Variants in ANK1 observed in about 807,000 individuals in gnomAD.
The protein encoded by ANK1 is ankyrin-1.
A neutral mutation model predicts 210.4 loss-of-function variants in ANK1; 51 were observed. The ratio of observed to expected loss-of-function variants is 0.24; its 90% confidence interval spans 0.19 to 0.31. The LOEUF (loss-of-function observed/expected upper bound fraction) is 0.31, where lower values mean the gene tolerates loss of function less well. Ranked by LOEUF, ANK1 falls within the 10% of genes least tolerant of loss-of-function variation. The probability of loss-of-function intolerance (pLI) is 1.00; values close to 1 mark genes in which losing one functional copy is unlikely to be tolerated. For synonymous variants in ANK1, 967 were observed against 1,025.9 expected (o/e 0.94, Z 1.10); for missense variants, 2,051 against 2,504.4 (o/e 0.82, Z 3.86).
intron 2 of ANK1, among the ~76,000 whole-genome samples, chr8:41,738,056 T>A (rs1833869633): frequency 6.6e-6 from 1 of 152,044 alleles, no homozygotes; most frequent in African/African-American, 2.4e-5. Context: ...CCAAACAGCA[T>A]GTAAAGGGGT....
At chr8:41,881,541 G>A (rs1192951444) in intron 1 of ANK1, among the ~76,000 whole-genome samples, 1 of 152,180 alleles carries the variant, frequency 6.6e-6, no homozygotes, top group African/African-American at 2.4e-5. Context: ...TACTGTCAAG[G>A]GAACTGGTAT....
chr8:41,874,966 C>T (rs369281344), intron 1 of ANK1, among the ~76,000 whole-genome samples: 1 of 152,204 alleles, frequency 6.6e-6, no homozygotes, highest in Admixed American at 6.5e-5. Context: ...GTGCTGTCCC[C>T]GCTGCAGCAC....
chr8:41,799,269 G>T (rs555175754), upstream of ANK1, among the ~76,000 whole-genome samples: 19 of 152,274 alleles, frequency 1.2e-4, no homozygotes, highest in Non-Finnish European at 2.5e-4. Flanking sequence ...CCTCCCCGAA[G>T]GACAGATGAT....
chr8:41,767,881 C>CT (rs1319304517), intron 1 of ANK1, among the ~76,000 whole-genome samples: 8 of 152,214 alleles, frequency 5.3e-5, no homozygotes, highest in African/African-American at 1.7e-4. Flanking sequence ...TCAGCAAACT[C>CT]TATTTATGCC....
Position 41,891,548 on chromosome 8 carries a change from T to C in ANK1, c.126+4807A>G, listed in dbSNP as rs1245008131. ...GGAGCAGCAGCCAAAATTCAGAGTG[T>C]AACATCTTCTCAGCCCTCAAGACCC... On this transcript the variant is annotated intron_variant, in intron 1 of 42. Transcript: ENST00000265709. Among the ~76,000 whole-genome samples, 15 of 152,318 alleles carry C rather than the reference T, an allele frequency of 9.8e-5. No homozygotes were observed. The East Asian group carries it at 2.7e-3, about 27-fold the overall frequency.
chr8:41,668,815 G>T (rs1811369223), intron 38 of ANK1, among the ~76,000 whole-genome samples: 1 of 152,298 alleles, frequency 6.6e-6, no homozygotes, highest in Non-Finnish European at 1.5e-5. Flanking sequence ...GTCCCTCCCT[G>T]TGGGTGAACA....
At chr8:41,660,822 T>G (rs1362489605) in intron 42 of ANK1, among the ~76,000 whole-genome samples, 1 of 152,174 alleles carries the variant, frequency 6.6e-6, no homozygotes, top group Admixed American at 6.5e-5. Flanking sequence ...AGCCTTGGCC[T>G]GGTGAGAACT....
chr8:41,867,205 G>A (rs953475532), intron 1 of ANK1, among the ~76,000 whole-genome samples: 2 of 152,196 alleles, frequency 1.3e-5, no homozygotes, highest in African/African-American at 4.8e-5. Flanking sequence ...AGAAGGATGA[G>A]TGTCAGTCCA....
At chr8:41,877,574 C>T (rs1816820145) in intron 1 of ANK1, among the ~76,000 whole-genome samples, 1 of 152,164 alleles carries the variant, frequency 6.6e-6, no homozygotes, top group South Asian at 2.1e-4. Context: ...GTTTAGGAGA[C>T]AGAAAAAGCC....
intron 1 of ANK1, among the ~76,000 whole-genome samples, chr8:41,825,995 A>G (rs1471688091): frequency 1.3e-5 from 2 of 152,168 alleles, no homozygotes; most frequent in African/African-American, 2.4e-5. Flanking sequence ...TATTAGCAGC[A>G]TGAGAACACA....
chr8:41,761,640 C>A (rs1840482068), intron 1 of ANK1, among the ~76,000 whole-genome samples: 1 of 152,196 alleles, frequency 6.6e-6, no homozygotes, highest in Admixed American at 6.5e-5. Flanking sequence ...TTTGTTACAG[C>A]AACCATGGGA....
chr8:41,864,437 T>C (rs1033252743), intron 1 of ANK1, among the ~76,000 whole-genome samples: 3 of 152,022 alleles, frequency 2.0e-5, no homozygotes, highest in African/African-American at 7.2e-5. Flanking sequence ...AGCCTGTGAG[T>C]GCACCTCCTG....
intron 1 of ANK1, among the ~76,000 whole-genome samples, chr8:41,877,526 A>C (rs547934011): frequency 1.3e-5 from 2 of 152,384 alleles, no homozygotes; most frequent in Admixed American, 1.3e-4. Flanking sequence ...TGGAGAACCA[A>C]CTGTGTGCCA....
chr8:41,890,769 A>AT (rs1361943971), intron 1 of ANK1, among the ~76,000 whole-genome samples: 1 of 152,042 alleles, frequency 6.6e-6, no homozygotes, highest in Non-Finnish European at 1.5e-5. Context: ...GTGACAATAG[A>AT]TTTTATTTCA....
intron 2 of ANK1, among the ~76,000 whole-genome samples, chr8:41,752,803 C>CCG (rs1554597020): frequency 1.3e-5 from 2 of 151,656 alleles, no homozygotes; most frequent in Non-Finnish European, 2.9e-5. Flanking sequence ...CACAGGCCCC[C>CCG]CCCCACTGCA....
At chr8:41,723,011 T>C (rs2150651488) in intron 9 of ANK1, 114 bp downstream of exon 9, 1 of 924,666 alleles carries the variant, frequency 1.1e-6, no homozygotes, top group Non-Finnish European at 1.8e-6. Context: ...TCAAAGGTGC[T>C]ATCTCATCTA....
intron 1 of ANK1, among the ~76,000 whole-genome samples, chr8:41,822,170 GAA>G (rs1317778555): frequency 1.4e-5 from 2 of 143,980 alleles, no homozygotes; most frequent in African/African-American, 5.2e-5. Flanking sequence ...AAGAAAGAAA[GAA>G]AGAAAGAAAG....
At chr8:41,786,857 G>A (rs1586940360) in intron 1 of ANK1, among the ~76,000 whole-genome samples, 1 of 152,320 alleles carries the variant, frequency 6.6e-6, no homozygotes, top group African/African-American at 2.4e-5. Flanking sequence ...AAACACAGTG[G>A]TTCTAATGAA....
intron 1 of ANK1, among the ~76,000 whole-genome samples, chr8:41,871,615 G>T (rs971665930): frequency 4.6e-5 from 7 of 152,120 alleles, no homozygotes; most frequent in African/African-American, 1.7e-4. Flanking sequence ...CCAGGAGAGG[G>T]GCCTGGACAT....
Sources: allele counts gnomAD v4.1 joint callset (sites outside exome capture counted in the v4.1 genomes callset), GRCh38; gene constraint gnomAD v4.1.1; transcripts MANE v1.5; gene names NCBI Gene and HGNC (gene_info 2026-07-23, HGNC 2026-07-21).